Variants in PCDHGA7 observed in about 807,000 individuals in gnomAD.
PCDHGA7 encodes protocadherin gamma-A7.
A neutral mutation model predicts 58.3 loss-of-function variants in PCDHGA7; 44 were observed. The observed-to-expected ratio is 0.75, with a 90% confidence interval of 0.59 to 0.97. The LOEUF is 0.97. Among genes scored for constraint, PCDHGA7 ranks in the 50% least tolerant of loss-of-function variants. The pLI, the probability that PCDHGA7 is intolerant of heterozygous loss-of-function variation, is 0.00. For synonymous variants in PCDHGA7, 516 were observed against 504.2 expected, an observed-to-expected ratio of 1.02 and a Z score of -0.31; for missense variants, 1,266 against 1,188.7, an observed-to-expected ratio of 1.06 and a Z score of -0.96.
rs754610588 is a variant in PCDHGA7, at chr5:141,384,105, T to C, written c.1206T>C (p.Tyr402=). 31 of 1,601,620 alleles carry C rather than the reference T, an allele frequency of 1.9e-5. No individual in the cohort carries two copies. The East Asian group carries it at 2.5e-4, about 13-fold the overall frequency. ...TAGAAAAATCAATAGATAATTATTA[T>C]AGATTGGTCACAACCAAAAACTTGG... ...FKLEKSIDNY[Y]RLVTTKNLDR... The change falls in exon 1 of 4, where the codon TAT becomes TAC. Residue 402 remains tyrosine (Y), a synonymous_variant. Transcript: ENST00000518325.
chr5:141,388,509 C>T, intron 1 of PCDHGA7: 13 of 1,613,810 alleles, frequency 8.1e-6, no homozygotes, highest in Non-Finnish European at 1.1e-5. Flanking sequence ...GAAATCCTAC[C>T]ACTTGACTTT....
intron 1 of PCDHGA7, chr5:141,415,851 T>A: frequency 8.1e-7 from 1 of 1,228,614 alleles, no homozygotes; most frequent in Non-Finnish European, 1.1e-6. Flanking sequence ...TTGCAGAACC[T>A]TGTAGTTTAT....
chr5:141,433,837 C>CAAAAAAAAA (rs56191208), intron 1 of PCDHGA7, among the ~76,000 whole-genome samples: 1 of 111,704 alleles, frequency 9.0e-6, no homozygotes, highest in Non-Finnish European at 1.9e-5. Flanking sequence ...AACTCTATCT[C>CAAAAAAAAA]AAAAAAAAAA....
chr5:141,491,243 ATGAGGACCC>A lies in PCDHGA7; in HGVS notation c.2425-3557_2425-3549del. 1 of 1,614,200 alleles carries A rather than the reference ATGAGGACCC, an allele frequency of 6.2e-7. No individual in the cohort carries two copies. Among genetic ancestry groups the A allele is most frequent in the African/African-American group, 1.3e-5 (1 of 75,056 alleles). ...GCCACAGTGCTGCTGGTTCTGGAGG[ATGAGGACCC>A]TGAGGAAATGCCCAAATCCAGTGAC... On this transcript the variant is annotated intron_variant, in intron 1 of 3. Coordinates refer to ENST00000518325, the MANE Select transcript of PCDHGA7 (RefSeq NM_018920.4). This position sits in a 1 kb window ranked among gnomAD's most constrained non-coding sequence, Gnocchi z 6.9.
In PCDHGA7 at chr5:141,432,921, A is replaced by G; in HGVS notation, c.2424+47598A>G. On this transcript the variant is annotated intron_variant, in intron 1 of 3. Transcript: ENST00000518325. The surrounding 1 kb of genome is among the most constrained non-coding windows in gnomAD (Gnocchi z 6.0). ...GCGCTCAGGCTGCGGCGCTGGCACAAGTCACGCCTGCTGCAGGCTTCAGGA... is the reference window on the plus strand; with the variant it reads ...GCGCTCAGGCTGCGGCGCTGGCACAGGTCACGCCTGCTGCAGGCTTCAGGA... 6.2e-7 allele frequency: 1 copy of G among 1,614,114 alleles called. No individual in the cohort carries two copies. The highest frequency in any genetic ancestry group is 1.7e-4 in the Middle Eastern group (1 of 6,060).
intron 1 of PCDHGA7, chr5:141,421,414 C>A (rs2096570568): frequency 1.9e-6 from 3 of 1,614,066 alleles, no homozygotes; most frequent in South Asian, 2.2e-5. Flanking sequence ...GCTGGCGAAG[C>A]GCGGAGTCCG....
At chr5:141,433,699 T>C (rs2097645911) in intron 1 of PCDHGA7, among the ~76,000 whole-genome samples, 1 of 152,082 alleles carries the variant, frequency 6.6e-6, no homozygotes, top group Non-Finnish European at 1.5e-5. Flanking sequence ...TAGCCGGGCG[T>C]GGTGGTGCAT....
intron 1 of PCDHGA7, chr5:141,394,269 C>G (rs367765478): frequency 1.1e-5 from 17 of 1,613,830 alleles, no homozygotes; most frequent in Admixed American, 1.7e-5. Flanking sequence ...GGAGAATGCC[C>G]AGGTCACTTA....
At chr5:141,389,813 C>T (rs575968401) in intron 1 of PCDHGA7, 18 of 1,613,844 alleles carry the variant, frequency 1.1e-5, no homozygotes, top group South Asian at 2.2e-5. Flanking sequence ...TTCTGGTCGC[C>T]GTGCGTGACG....
Position 141,505,556 on chromosome 5 carries a change from C to T in PCDHGA7, c.2572+75C>T, listed in dbSNP as rs2233611. ...GGGTGCATCTCACAGCCACCATGCC[C>T]ACGGACTGGATGTCAAACCTGTGTA... On this transcript the variant is annotated intron_variant, in intron 3 of 3. Transcript: ENST00000518325. 1,282 of 1,606,040 alleles carry T rather than the reference C, an allele frequency of 8.0e-4. 6 individuals are homozygous for T. In the African/African-American group the frequency reaches 0.013, roughly 16 times the overall value.
intron 1 of PCDHGA7, among the ~76,000 whole-genome samples, chr5:141,483,755 G>A (rs2099586573): frequency 6.6e-6 from 1 of 152,130 alleles, no homozygotes. Flanking sequence ...TGAGGATCGA[G>A]GCTTGGAAAA....
At chr5:141,394,297 C>A (rs375160983) in intron 1 of PCDHGA7, 1 of 1,613,990 alleles carries the variant, frequency 6.2e-7, no homozygotes, top group Non-Finnish European at 8.5e-7. Context: ...ACCGAGGACA[C>A]GCTGCAGGGG....
intron 1 of PCDHGA7, among the ~76,000 whole-genome samples, chr5:141,480,216 C>T (rs1055544952): frequency 1.9e-4 from 28 of 147,036 alleles, no homozygotes; most frequent in Non-Finnish European, 3.6e-4. Flanking sequence ...CCAGCCTGAG[C>T]GACATAGTGA....
At chr5:141,494,680 C>A in intron 1 of PCDHGA7, 127 bp from the exon 2 acceptor site, 1 of 1,560,094 alleles carries the variant, frequency 6.4e-7, no homozygotes, top group Non-Finnish European at 8.7e-7. Flanking sequence ...CCACCCCTGC[C>A]CCCTCTTAGT....
At chr5:141,417,888 G>T (rs1406210540) in intron 1 of PCDHGA7, 1 of 1,566,768 alleles carries the variant, frequency 6.4e-7, no homozygotes, top group Middle Eastern at 1.7e-4. Context: ...CAGAGGCGCC[G>T]GGCCGGCCCG....
intron 2 of PCDHGA7, among the ~76,000 whole-genome samples, chr5:141,497,332 A>G (rs537994715): frequency 6.6e-6 from 1 of 152,024 alleles, no homozygotes; most frequent in Non-Finnish European, 1.5e-5. Context: ...AGAATTCACC[A>G]TTGAACCTGG....
intron 2 of PCDHGA7, among the ~76,000 whole-genome samples, chr5:141,497,023 G>A (rs1271608156): frequency 1.3e-5 from 2 of 151,912 alleles, no homozygotes; most frequent in Non-Finnish European, 2.9e-5. Flanking sequence ...ACCCCATCTC[G>A]ATTAAAAATA....
rs1292946472 is a variant in PCDHGA7 at position 141,382,951 on chromosome 5, A to G, written c.52A>G (p.Ile18Val). 2 of 1,600,898 alleles carry G rather than the reference A, an allele frequency of 1.2e-6. No homozygotes were observed. The highest frequency in any genetic ancestry group is 1.7e-6 in the Non-Finnish European group (2 of 1,171,390). The change falls in exon 1 of 4, where the codon ATC becomes GTC. Residue 18 changes from isoleucine to valine, a missense_variant. Coordinates refer to ENST00000518325, the MANE Select transcript of PCDHGA7 (RefSeq NM_018920.4). The part of the protein sequence containing the change: ...GDYRGFFLLS[I>V]LLGTPWEAWA... ...CTACAGAGGATTCTTCCTGCTCTCCATCCTCCTGGGGACCCCCTGGGAAGC... is the reference window on the plus strand; with the variant it reads ...CTACAGAGGATTCTTCCTGCTCTCCGTCCTCCTGGGGACCCCCTGGGAAGC...
chr5:141,395,447 G>A, intron 1 of PCDHGA7: 1 of 645,042 alleles, frequency 1.6e-6, no homozygotes, highest in Admixed American at 3.5e-5. Context: ...GGAAAAGATT[G>A]TTCAACCATT....
Sources: gnomAD v4.1 joint callset for allele counts (sites outside exome capture counted in the v4.1 genomes callset) on GRCh38, gnomAD v4.1.1 for gene constraint, Gnocchi (gnomAD v3.1) non-coding constraint, MANE v1.5 for transcripts, NCBI Gene and HGNC (gene_info 2026-07-23, HGNC 2026-07-21) for gene names.